CBL: variants seen among roughly 807,000 people sequenced by gnomAD.
CBL encodes E3 ubiquitin-protein ligase CBL.
A neutral mutation model predicts 96.9 loss-of-function variants in CBL; 45 were observed. The observed-to-expected ratio is 0.46, with a 90% CI of 0.37 to 0.60. The LOEUF (loss-of-function observed/expected upper bound fraction) is 0.60, where lower values mean the gene tolerates loss of function less well. Among genes scored for constraint, CBL ranks in the 20% least tolerant of loss-of-function variants. CBL has a pLI of 0.00. For missense variants in CBL, 1,024 were observed against 1,143.5 expected, an observed-to-expected ratio of 0.90 and a Z score of 1.51; for synonymous variants, 420 against 426.8, an observed-to-expected ratio of 0.98 and a Z score of 0.20.
chr11:119,297,576 A>G (rs1950073153), intron 14 of CBL, 95 bp downstream of exon 14: 1 of 926,386 alleles, frequency 1.1e-6, no homozygotes, highest in Non-Finnish European at 1.7e-6. Context: ...CTAAGCTCAA[A>G]ATTCTTCTGT....
chr11:119,263,672 GTTTT>G (rs1402999536), intron 2 of CBL, among the ~76,000 whole-genome samples: 4 of 152,038 alleles, frequency 2.6e-5, no homozygotes, highest in Admixed American at 2.0e-4. Flanking sequence ...GTTTTGTTTT[GTTTT>G]TTAACAGCTT....
chr11:119,285,274 G>A lies in CBL; in HGVS notation c.1649G>A (p.Arg550Gln), dbSNP rs1949973841. ...RDLPPPPPPD[R>Q]PYSVGAESRP... Reference sequence around the variant, plus strand: ...CTTCCACCACCACCGCCTCCAGACCGGCCATATTCTGTTGGAGCAGAATCC... The same window carrying A: ...CTTCCACCACCACCGCCTCCAGACCAGCCATATTCTGTTGGAGCAGAATCC... Residue 550 changes from arginine (R) to glutamine (Q), a missense_variant, in exon 11 of 16, where the codon CGG (arginine) becomes CAG (glutamine). Around this residue, in one of 4 missense-constraint regions of CBL, gnomAD observed 695 missense variants for 661.6 expected, o/e 1.05. Coordinates refer to ENST00000264033, the MANE Select transcript of CBL (RefSeq NM_005188.4). 4 of 1,613,874 alleles carry A rather than the reference G, an allele frequency of 2.5e-6. No homozygotes were observed. Among genetic ancestry groups the A allele is most frequent in the East Asian group, 2.2e-5 (1 of 44,894 alleles).
intron 6 of CBL, among the ~76,000 whole-genome samples, chr11:119,276,536 C>T (rs530567807): frequency 1.3e-5 from 2 of 152,338 alleles, no homozygotes; most frequent in East Asian, 1.9e-4. Flanking sequence ...ATCCTCACTT[C>T]GCTTTTGTTC....
Position 119,299,904 on chromosome 11 carries a change from A to C in CBL, c.*123A>C, listed in dbSNP as rs1950090159. On this transcript the variant is annotated 3_prime_UTR_variant, in exon 16 of 16. Transcript: ENST00000264033. The stretch of plus-strand genomic sequence containing the variant: ...AGTGAAGTCTTGCCCTCTCTGTGGG[A>C]TATCACATCAGTGGTTCCAAGATTT... 2 of 911,472 alleles carry C rather than the reference A, an allele frequency of 2.2e-6. No individual in the cohort carries two copies. The highest frequency in any genetic ancestry group is 3.6e-6 in the Non-Finnish European group (2 of 555,546). 56.5% of individuals were successfully genotyped at this position (911,472 alleles called of 1,614,324 possible).
intron 9 of CBL, among the ~76,000 whole-genome samples, chr11:119,279,486 C>T (rs1262252678): frequency 8.0e-6 from 1 of 124,662 alleles, no homozygotes; most frequent in Non-Finnish European, 1.6e-5. Flanking sequence ...CCCCCATGCC[C>T]CCCCCTAAAA....
intron 1 of CBL, among the ~76,000 whole-genome samples, chr11:119,213,149 CTTCT>C (rs879479379): frequency 2.2e-4 from 34 of 152,196 alleles, no homozygotes; most frequent in African/African-American, 5.8e-4. Context: ...TATTTCCTTC[CTTCT>C]AACTTTTCCT....
intron 1 of CBL, among the ~76,000 whole-genome samples, chr11:119,209,516 G>T (rs930953630): frequency 1.3e-5 from 2 of 152,006 alleles, no homozygotes; most frequent in African/African-American, 4.8e-5. Context: ...CTACTTGGGA[G>T]ACTGGGACAG....
At chr11:119,278,043 A>T in intron 7 of CBL, 123 bp from the exon 8 acceptor site, 2 of 946,300 alleles carry the variant, frequency 2.1e-6, no homozygotes, top group Non-Finnish European at 3.2e-6. Context: ...AAAATAAACC[A>T]CTGTTGTGAC....
At chr11:119,213,675 G>A (rs566748110) in intron 1 of CBL, among the ~76,000 whole-genome samples, 32 of 152,210 alleles carry the variant, frequency 2.1e-4, no homozygotes, top group African/African-American at 7.7e-4. Flanking sequence ...GGCCAAGCGG[G>A]TGACTTGAGA....
chr11:119,278,359 A>G (rs1949906208), intron 8 of CBL, 62 bp downstream of exon 8: 2 of 1,595,960 alleles, frequency 1.3e-6, no homozygotes, highest in Non-Finnish European at 1.7e-6. Context: ...TCGGTATTAT[A>G]TAGCCTTTAC....
intron 1 of CBL, among the ~76,000 whole-genome samples, chr11:119,216,856 C>A (rs1257661101): frequency 6.6e-6 from 1 of 151,882 alleles, no homozygotes; most frequent in African/African-American, 2.4e-5. Flanking sequence ...CTCCCATCTC[C>A]CTACCTGTCT....
rs1311399709 is a variant in CBL, at chr11:119,308,041, TATTA to T, written c.*8264_*8267del. The T allele has an allele frequency of 3.8e-5, 7 of 182,878 alleles. No homozygotes were observed. Among genetic ancestry groups the T allele is most frequent in the South Asian group, 3.9e-4 (2 of 5,074 alleles). The allele number at this position is 182,878 out of a possible 1,614,324, so 11.3% of individuals were successfully genotyped here. A position where few individuals can be genotyped will look rare whatever the true frequency, so the allele number is the denominator to read the frequency against. On this transcript the variant is annotated 3_prime_UTR_variant, in exon 16 of 16. Coordinates refer to ENST00000264033, the MANE Select transcript of CBL (RefSeq NM_005188.4). ...AGAAGTCTGTTTTACTAATGTTATTTATTAATTTTTTTTCATTTCCATACACAGT... is the reference window on the plus strand; with the variant it reads ...AGAAGTCTGTTTTACTAATGTTATTTATTTTTTTTCATTTCCATACACAGT...
At chr11:119,272,231 C>G (rs1379763475) in intron 3 of CBL, among the ~76,000 whole-genome samples, 1 of 152,190 alleles carries the variant, frequency 6.6e-6, no homozygotes, top group East Asian at 1.9e-4. Flanking sequence ...ATGCCATTCT[C>G]CTGCCTCAGC....
At chr11:119,235,786 CTT>C (rs1330625902) in intron 2 of CBL, among the ~76,000 whole-genome samples, 1 of 152,180 alleles carries the variant, frequency 6.6e-6, no homozygotes, top group Non-Finnish European at 1.5e-5. Flanking sequence ...TCTTTTGCCT[CTT>C]TTTAAACCTC....
At chr11:119,299,160 G>A (rs1950082794) in intron 15 of CBL, among the ~76,000 whole-genome samples, 1 of 152,216 alleles carries the variant, frequency 6.6e-6, no homozygotes, top group African/African-American at 2.4e-5. Flanking sequence ...TGTAGAAGGC[G>A]AAGTTTAGTA....
In CBL at chr11:119,282,154, G is replaced by A. The variant is rs1488693130; in HGVS notation, c.1432-2815G>A. 4.7e-5 allele frequency among the ~76,000 whole-genome samples: 7 copies of A among 149,314 alleles called. No individual in the cohort carries two copies. The East Asian group carries it at 9.7e-4, about 21-fold the overall frequency. On this transcript the variant is annotated intron_variant, in intron 9 of 15. Coordinates refer to ENST00000264033, the MANE Select transcript of CBL (RefSeq NM_005188.4). ...GAAGTTCCATACCAGCCTGGCCAGTGTGGTGAAACCCTGTCTCTACTAAAA... is the reference window on the plus strand; with the variant it reads ...GAAGTTCCATACCAGCCTGGCCAGTATGGTGAAACCCTGTCTCTACTAAAA...
chr11:119,222,554 A>G (rs1949419792), intron 1 of CBL, among the ~76,000 whole-genome samples: 1 of 152,228 alleles, frequency 6.6e-6, no homozygotes, highest in African/African-American at 2.4e-5. Context: ...AGAAGTAAAC[A>G]AAAGGCAGCC....
chr11:119,221,732 A>C (rs1592372306), intron 1 of CBL, among the ~76,000 whole-genome samples: 1 of 149,718 alleles, frequency 6.7e-6, no homozygotes, highest in East Asian at 2.0e-4. Flanking sequence ...GCGCCACTGC[A>C]CTCCAGCCTG....
intron 2 of CBL, among the ~76,000 whole-genome samples, chr11:119,250,419 T>G (rs183076564): frequency 1.3e-5 from 2 of 152,322 alleles, no homozygotes; most frequent in Admixed American, 1.3e-4. Flanking sequence ...AGCTGGGCTT[T>G]CTTTATGCAT....
Sources: allele counts gnomAD v4.1 joint callset (sites outside exome capture counted in the v4.1 genomes callset), GRCh38; gene constraint gnomAD v4.1.1; regional missense constraint gnomAD v4.1.1; transcripts MANE v1.5; gene names NCBI Gene and HGNC (gene_info 2026-07-23, HGNC 2026-07-21).